RBM44: variants seen among roughly 807,000 people sequenced by gnomAD.
RBM44 encodes RNA binding motif protein 44.
RBM44 carries 66 observed loss-of-function variants against 105.1 expected under a neutral mutation model. That is an observed-to-expected ratio of 0.63 (90% CI 0.52 to 0.77). The LOEUF is 0.77. Ranked by LOEUF, RBM44 falls within the 30% of genes least tolerant of loss-of-function variation. The probability of loss-of-function intolerance (pLI) is 0.00; values close to 1 mark genes in which losing one functional copy is unlikely to be tolerated. For missense variants in RBM44, 1,122 were observed against 1,207.8 expected (o/e 0.93, Z 1.05); for synonymous variants, 365 against 417.6 (o/e 0.87, Z 1.54).
intron 1 of RBM44, among the ~76,000 whole-genome samples, chr2:237,813,386 T>C (rs373784023): frequency 3.3e-5 from 5 of 152,238 alleles, no homozygotes; most frequent in African/African-American, 9.6e-5. Flanking sequence ...GGAAACTTTT[T>C]ATCTAGGTTC....
chr2:237,841,778 A>G lies in RBM44; in HGVS notation c.*23-61A>G, dbSNP rs1559926534. ...CATTAGAAACAATCAAGTGTCTAGG[A>G]ATGTACTTAACAAAAGATACTCAAC... On this transcript the variant is annotated intron_variant, in intron 15 of 15. Coordinates refer to ENST00000316997, the MANE Select transcript of RBM44 (RefSeq NM_001080504.3). This position sits in a 1 kb window ranked among gnomAD's most constrained non-coding sequence, Gnocchi z 4.5. The G allele has an allele frequency of 6.6e-6, 1 of 152,204 alleles. No homozygotes were observed. The highest frequency in any genetic ancestry group is 1.5e-5 in the Non-Finnish European group (1 of 68,014). 9.4% of individuals were successfully genotyped at this position (152,204 alleles called of 1,614,324 possible).
intron 2 of RBM44, among the ~76,000 whole-genome samples, chr2:237,815,271 C>T (rs1013366506): frequency 1.2e-4 from 18 of 152,122 alleles, no homozygotes; most frequent in Admixed American, 1.3e-4. Context: ...ACAACTCTGT[C>T]GTCTCCAACC....
chr2:237,818,961 T>G lies in RBM44; in HGVS notation c.1736+2T>G. 1 of 1,429,692 alleles carries G rather than the reference T, an allele frequency of 7.0e-7. No homozygotes were observed. Among genetic ancestry groups the G allele is most frequent in the Non-Finnish European group, 9.6e-7 (1 of 1,045,640 alleles). The allele number at this position is 1,429,692 out of a possible 1,614,324, so 88.6% of individuals were successfully genotyped here. A position where few individuals can be genotyped will look rare whatever the true frequency, so the allele number is the denominator to read the frequency against. ...AGACCTAAAGAAACATCCTGAGAGGTACATCATTTATATATGCTTACAGAT... is the reference window on the plus strand; with the variant it reads ...AGACCTAAAGAAACATCCTGAGAGGGACATCATTTATATATGCTTACAGAT... On this transcript the variant is annotated splice_donor_variant, in intron 4 of 15. Coordinates refer to ENST00000316997, the MANE Select transcript of RBM44 (RefSeq NM_001080504.3). LOFTEE classifies it high-confidence loss of function. This position sits in a 1 kb window ranked among gnomAD's most constrained non-coding sequence, Gnocchi z 4.6.
chr2:237,832,314 A>G (rs1172997303), intron 13 of RBM44, among the ~76,000 whole-genome samples: 4 of 151,878 alleles, frequency 2.6e-5, no homozygotes. Flanking sequence ...CATCATGCCC[A>G]GCTAATTTTT....
Position 237,820,341 on chromosome 2 carries a change from G to A in RBM44, c.1903G>A (p.Gly635Arg), listed in dbSNP as rs2061771866. 5 of 1,569,854 alleles carry A rather than the reference G, an allele frequency of 3.2e-6. No homozygotes were observed. The highest frequency in any genetic ancestry group is 4.3e-6 in the Non-Finnish European group (5 of 1,154,382). The part of the protein sequence containing the change: ...IYKLVMENRE[G>R]LNMNLSSNSA... ...CAAACTTGTCATGGAAAATAGGGAA[G>A]GATTAAATATGTGTTTATTAATTTC... Residue 635 changes from glycine to arginine, a missense_variant, in exon 5 of 16, where the codon GGA becomes AGA. Gly to Arg is a moderately radical substitution (Grantham distance 125). Around this residue, in one of 3 missense-constraint regions of RBM44, gnomAD observed 918 missense variants for 955.3 expected, o/e 0.96. Coordinates refer to ENST00000316997, the MANE Select transcript of RBM44 (RefSeq NM_001080504.3).
At chr2:237,827,189 T>G in intron 10 of RBM44, 61 bp from the exon 11 acceptor site, 1 of 954,554 alleles carries the variant, frequency 1.0e-6, no homozygotes, top group South Asian at 1.5e-5. Flanking sequence ...GTGTTCACAT[T>G]TTCTCTGAAA....
intron 15 of RBM44, among the ~76,000 whole-genome samples, chr2:237,839,908 A>G (rs1210217115): frequency 1.3e-5 from 2 of 152,190 alleles, no homozygotes; most frequent in Admixed American, 1.3e-4. Flanking sequence ...AATACCCAGA[A>G]TAGGCTGGGG....
chr2:237,817,554 C>T lies in RBM44; in HGVS notation c.635C>T (p.Ser212Phe). Residue 212 changes from serine to phenylalanine, a missense_variant, in exon 3 of 16, where the codon TCT (serine) becomes TTT (phenylalanine). Physicochemically the swap from Ser to Phe is radical, Grantham distance 155. Around this residue, in one of 3 missense-constraint regions of RBM44, gnomAD observed 918 missense variants for 955.3 expected, o/e 0.96. Coordinates refer to ENST00000316997, the MANE Select transcript of RBM44 (RefSeq NM_001080504.3). The part of the protein sequence containing the change: ...SFDQTKALDI[S>F]NPEVVELGNS... The stretch of plus-strand genomic sequence containing the variant: ...GACCAAACAAAAGCATTAGATATAT[C>T]TAATCCAGAAGTTGTTGAATTAGGA... The T allele has an allele frequency of 1.2e-6, 2 of 1,612,016 alleles. No individual in the cohort carries two copies. The highest frequency in any genetic ancestry group is 1.7e-6 in the Non-Finnish European group (2 of 1,178,928).
At chr2:237,806,737 A>G (rs1201217554) in intron 1 of RBM44, among the ~76,000 whole-genome samples, 2 of 152,222 alleles carry the variant, frequency 1.3e-5, no homozygotes, top group East Asian at 3.9e-4. Flanking sequence ...GAGACTTGTC[A>G]AACACTAATA....
chr2:237,815,530 C>T (rs1205283738), intron 2 of RBM44, among the ~76,000 whole-genome samples: 1 of 151,684 alleles, frequency 6.6e-6, no homozygotes, highest in Non-Finnish European at 1.5e-5. Flanking sequence ...ATTTATTGGC[C>T]AATTGGTAAG....
At chr2:237,805,885 T>G (rs1445780890) in intron 1 of RBM44, among the ~76,000 whole-genome samples, 3 of 151,912 alleles carry the variant, frequency 2.0e-5, no homozygotes, top group African/African-American at 2.4e-5. Flanking sequence ...AGTGCTAAGG[T>G]GGGAGGATCA....
chr2:237,837,542 T>C (rs1307945958), intron 15 of RBM44, among the ~76,000 whole-genome samples: 3 of 152,226 alleles, frequency 2.0e-5, no homozygotes, highest in Non-Finnish European at 2.9e-5. Context: ...GCTGATGCGG[T>C]AGACATAGCA....
intron 1 of RBM44, among the ~76,000 whole-genome samples, chr2:237,801,656 C>G (rs1436256877): frequency 6.6e-6 from 1 of 152,112 alleles, no homozygotes; most frequent in African/African-American, 2.4e-5. Flanking sequence ...CATAATAACT[C>G]TAGTTATCTT....
Position 237,827,343 on chromosome 2 carries a change from A to G in RBM44, c.2529+14A>G. On this transcript the variant is annotated intron_variant, in intron 11 of 15. Transcript: ENST00000316997. ...TCAGTATCTGAGGTATACCAGGATT[A>G]TTTTTTTGAGCTTCATTTTCAAATT... The G allele has an allele frequency of 6.5e-7, 1 of 1,527,400 alleles. No individual in the cohort carries two copies. The highest frequency in any genetic ancestry group is 9.0e-7 in the Non-Finnish European group (1 of 1,116,152). The allele number at this position is 1,527,400 out of a possible 1,614,324, so 94.6% of individuals were successfully genotyped here.
At position 237,824,315 on chromosome 2, in the gene RBM44, G is replaced by A. The variant is rs777128301; in HGVS notation, c.2345G>A (p.Ser782Asn). Reference protein sequence around the residue: ...DKDCRHYQETSEDWSDAKESL... With the variant: ...DKDCRHYQETNEDWSDAKESL... ...GACTGCAGACATTACCAAGAGACAA[G>A]CGAAGACTGGTCTGATGCTAAAGAG... The change falls in exon 10 of 16, where the codon AGC (serine) becomes AAC (asparagine). Residue 782 changes from serine to asparagine, a missense_variant. Around this residue, in one of 3 missense-constraint regions of RBM44, gnomAD observed 918 missense variants for 955.3 expected, o/e 0.96. Transcript: ENST00000316997. 29 of 1,612,954 alleles carry A rather than the reference G, an allele frequency of 1.8e-5. No individual in the cohort carries two copies. The Admixed American group carries it at 2.7e-4, about 15-fold the overall frequency.
intron 15 of RBM44, among the ~76,000 whole-genome samples, chr2:237,840,375 CTG>C (rs2062000631): frequency 6.6e-6 from 1 of 152,054 alleles, no homozygotes; most frequent in South Asian, 2.1e-4. Context: ...ATGCAGAAGA[CTG>C]AAACTAGACC....
chr2:237,823,460 TAG>T lies in RBM44; in HGVS notation c.2227_2228del (p.His744CysfsTer11). On this transcript the variant is annotated frameshift_variant, in exon 9 of 16. Transcript: ENST00000316997. LOFTEE classifies it high-confidence loss of function. ...LSQMSLSSDN[S>X]HATQNISPKK... Reference sequence around the variant, plus strand: ...CTCAGATGTCTTTATCATCTGACAATAGTCATGCTACACAAAACATATCACCC... The same window carrying T: ...CTCAGATGTCTTTATCATCTGACAATTCATGCTACACAAAACATATCACCC... The T allele has an allele frequency of 6.7e-7, 1 of 1,500,980 alleles. No homozygotes were observed. Among genetic ancestry groups the T allele is most frequent in the Non-Finnish European group, 9.1e-7 (1 of 1,102,464 alleles). 93.0% of individuals were successfully genotyped at this position (1,500,980 alleles called of 1,614,324 possible).
chr2:237,809,286 CTTTG>C (rs1293986543), intron 1 of RBM44, among the ~76,000 whole-genome samples: 1 of 152,064 alleles, frequency 6.6e-6, no homozygotes, highest in East Asian at 1.9e-4. Flanking sequence ...TCTATTACCT[CTTTG>C]TTTGCAATAA....
intron 1 of RBM44, among the ~76,000 whole-genome samples, chr2:237,811,451 TGGAGTCGGGGTTTTGC>T (rs2061656997): frequency 6.6e-6 from 1 of 152,178 alleles, no homozygotes; most frequent in Admixed American, 6.5e-5. Flanking sequence ...TAATTTTTTG[TGGAGTCGGGGTTTTGC>T]CATGTTACCC....
Sources: gnomAD v4.1 joint callset for allele counts (sites outside exome capture counted in the v4.1 genomes callset) on GRCh38, gnomAD v4.1.1 for gene constraint, gnomAD v4.1.1 regional missense constraint, Gnocchi (gnomAD v3.1) non-coding constraint, MANE v1.5 for transcripts, NCBI Gene and HGNC (gene_info 2026-07-23, HGNC 2026-07-21) for gene names.